Variants in GLUD1 observed in about 807,000 individuals in gnomAD.
GLUD1 encodes the protein glutamate dehydrogenase 1, mitochondrial.
A neutral mutation model predicts 56.0 loss-of-function variants in GLUD1; 22 were observed. That is an observed-to-expected ratio of 0.39 (90% CI 0.28 to 0.56). The LOEUF is 0.56. Among genes scored for constraint, GLUD1 ranks in the 20% least tolerant of loss-of-function variants. The probability of loss-of-function intolerance (pLI) is 0.58; values close to 1 mark genes in which losing one functional copy is unlikely to be tolerated. For synonymous variants in GLUD1, 223 were observed against 269.9 expected, an observed-to-expected ratio of 0.83 and a Z score of 1.70; for missense variants, 451 against 732.0, an observed-to-expected ratio of 0.62 and a Z score of 4.43.
intron 1 of GLUD1, among the ~76,000 whole-genome samples, chr10:87,086,105 A>G (rs1029896928): frequency 6.6e-6 from 1 of 152,236 alleles, no homozygotes; most frequent in Non-Finnish European, 1.5e-5. Context: ...GGGTCTTAAG[A>G]GAGGCAGAGG....
rs116046615 is a variant in GLUD1, at chr10:87,065,241, T to C, written c.742-2406A>G. 9.7e-3 allele frequency among the ~76,000 whole-genome samples: 1,203 copies of C among 124,220 alleles called. 10 individuals are homozygous for C. The highest frequency in any genetic ancestry group is 0.035 in the African/African-American group (1,139 of 32,574). 81.5% of individuals were successfully genotyped at this position (124,220 alleles called of 152,430 possible). ...CCGGGAGGCGGAGGTTGCGGTGACC[T>C]GAGATCGGGTGACAGAGTGAGACTC... On this transcript the variant is annotated intron_variant, in intron 5 of 12. Coordinates refer to ENST00000277865, the MANE Select transcript of GLUD1 (RefSeq NM_005271.5).
At chr10:87,072,983 G>C (rs1168793633) in intron 4 of GLUD1, among the ~76,000 whole-genome samples, 1 of 152,118 alleles carries the variant, frequency 6.6e-6, no homozygotes, top group Non-Finnish European at 1.5e-5. Context: ...AGTAGTGCTG[G>C]GTATGCGGCA....
In GLUD1 at chr10:87,058,873, G is replaced by A. The variant is rs181410042; in HGVS notation, c.1402+277C>T. Among the ~76,000 whole-genome samples, 369 of 152,064 alleles carry A rather than the reference G, an allele frequency of 2.4e-3. 1 individual carries two copies. The highest frequency in any genetic ancestry group is 3.6e-3 in the Non-Finnish European group (243 of 68,000). On this transcript the variant is annotated intron_variant, in intron 10 of 12. Coordinates refer to ENST00000277865, the MANE Select transcript of GLUD1 (RefSeq NM_005271.5). The stretch of plus-strand genomic sequence containing the variant: ...GCCACTGCACTCCAGCCTCGGCGAC[G>A]GAGCGAGACTCCCTCTCAAAAAAAG...
At chr10:87,072,919 T>C (rs1221363320) in intron 4 of GLUD1, among the ~76,000 whole-genome samples, 3 of 152,200 alleles carry the variant, frequency 2.0e-5, no homozygotes, top group Non-Finnish European at 2.9e-5. Context: ...AGCGAGATAG[T>C]TAACTCATAT....
chr10:87,071,128 CAAAACA>C (rs374633162), intron 4 of GLUD1, among the ~76,000 whole-genome samples: 3 of 151,174 alleles, frequency 2.0e-5, no homozygotes, highest in Non-Finnish European at 2.9e-5. Context: ...GACTCTGTCT[CAAAACA>C]AAAACAAAAA....
At chr10:87,057,303 A>G (rs1417922532) in intron 11 of GLUD1, among the ~76,000 whole-genome samples, 2 of 151,788 alleles carry the variant, frequency 1.3e-5, no homozygotes, top group African/African-American at 4.8e-5. Flanking sequence ...TTCTTTCTTT[A>G]TTTTTGTAGA....
chr10:87,061,219 TTC>T (rs1845921219), intron 6 of GLUD1, 167 bp from the exon 7 acceptor site: 1 of 761,216 alleles, frequency 1.3e-6, no homozygotes, highest in Non-Finnish European at 2.3e-6. Context: ...AACAATAAAA[TTC>T]TCTGTTTAAG....
chr10:87,094,228 G>A lies in GLUD1; in HGVS notation c.445+97C>T. ...GGACCCGGCCCGCTCCAGCTGGGCT[G>A]GGCTGGGCTGAGCAGCGGCCCCGCA... On this transcript the variant is annotated intron_variant, in intron 1 of 12. Coordinates refer to ENST00000277865, the MANE Select transcript of GLUD1 (RefSeq NM_005271.5). The surrounding 1 kb of genome is among the most constrained non-coding windows in gnomAD (Gnocchi z 6.6). 1 of 1,477,694 alleles carries A rather than the reference G, an allele frequency of 6.8e-7. No homozygotes were observed. Among genetic ancestry groups the A allele is most frequent in the Non-Finnish European group, 9.1e-7 (1 of 1,096,174 alleles). The allele number at this position is 1,477,694 out of a possible 1,614,324, so 91.5% of individuals were successfully genotyped here. A position where few individuals can be genotyped will look rare whatever the true frequency, so the allele number is the denominator to read the frequency against.
In GLUD1 at chr10:87,052,358, G is replaced by C. The variant is rs1845655620; in HGVS notation, c.1558-488C>G. ...AAAAAATTAACCGGGTGTGGGGGTG[G>C]GCGCCTGTAATCCCGGCTACTCGGG... On this transcript the variant is annotated intron_variant, in intron 12 of 12. Coordinates refer to ENST00000277865, the MANE Select transcript of GLUD1 (RefSeq NM_005271.5). 2.0e-5 allele frequency among the ~76,000 whole-genome samples: 3 copies of C among 152,068 alleles called. No homozygotes were observed. The South Asian group carries it at 6.2e-4, about 32-fold the overall frequency.
rs1183364848 is a variant in GLUD1 at position 87,060,763 on chromosome 10, G to A, written c.1122C>T (p.Ala374=). The change falls in exon 8 of 13, where the codon GCC becomes GCT. Residue 374 remains alanine, a synonymous_variant. Coordinates refer to ENST00000277865, the MANE Select transcript of GLUD1 (RefSeq NM_005271.5). ...CAGCTGGGATCAGTATGTCACAGTC[G>A]GCCTCCAAGATGCTTCCTTCATAGG... is the stretch of plus-strand genomic sequence containing the variant. The part of the protein sequence containing the change: ...AKPYEGSILE[A]DCDILIPAAS... 3.7e-6 allele frequency: 6 copies of A among 1,614,112 alleles called. No individual in the cohort carries two copies. Among genetic ancestry groups the A allele is most frequent in the Admixed American group, 1.7e-5 (1 of 60,008 alleles).
intron 9 of GLUD1, 54 bp downstream of exon 9, chr10:87,060,107 A>G: frequency 8.8e-7 from 1 of 1,130,522 alleles, no homozygotes; most frequent in Admixed American, 1.7e-5. Context: ...TTCCTTGCAA[A>G]AGACTATTAT....
At chr10:87,052,894 CCAAGCAGATAG>C (rs1457122000) in intron 12 of GLUD1, among the ~76,000 whole-genome samples, 1 of 152,066 alleles carries the variant, frequency 6.6e-6, no homozygotes, top group Non-Finnish European at 1.5e-5. Context: ...CATCATAAAT[CCAAGCAGATAG>C]AATCTGAACC....
At chr10:87,072,473 A>T (rs9420432) in intron 4 of GLUD1, among the ~76,000 whole-genome samples, 32,378 of 152,128 alleles carry the variant, frequency 0.21, 4,214 homozygotes, top group East Asian at 0.66. Context: ...AATAACAGAT[A>T]AATAACATCA....
At chr10:87,057,885 T>C (rs1845829219) in intron 10 of GLUD1, 103 bp from the exon 11 acceptor site, 2 of 702,742 alleles carry the variant, frequency 2.8e-6, no homozygotes, top group Non-Finnish European at 2.6e-6. Flanking sequence ...CAAAAACTTA[T>C]ACAGACAGAG....
At chr10:87,063,902 G>A (rs904952088) in intron 5 of GLUD1, among the ~76,000 whole-genome samples, 34 of 150,660 alleles carry the variant, frequency 2.3e-4, no homozygotes, top group African/African-American at 7.8e-4. Flanking sequence ...TTTTTGAGAC[G>A]GAGTCTCGCT....
At chr10:87,093,674 C>T (rs1279055655) in intron 1 of GLUD1, among the ~76,000 whole-genome samples, 1 of 152,172 alleles carries the variant, frequency 6.6e-6, no homozygotes, top group African/African-American at 2.4e-5. Flanking sequence ...GTTTATTTGT[C>T]AGAGATATTA....
intron 2 of GLUD1, among the ~76,000 whole-genome samples, 196 bp downstream of exon 2, chr10:87,076,380 A>T (rs1846394342): frequency 7.4e-6 from 1 of 135,602 alleles, no homozygotes; most frequent in Non-Finnish European, 1.5e-5. Flanking sequence ...CTCCTATTTT[A>T]AAAAATCCCC....
intron 5 of GLUD1, among the ~76,000 whole-genome samples, chr10:87,067,444 T>G (rs1045697146): frequency 6.6e-6 from 1 of 152,204 alleles, no homozygotes; most frequent in Non-Finnish European, 1.5e-5. Flanking sequence ...CAGGCTGGTC[T>G]CGAACTCCTG....
chr10:87,069,358 T>C (rs1846160610), intron 4 of GLUD1, among the ~76,000 whole-genome samples: 1 of 151,704 alleles, frequency 6.6e-6, no homozygotes, highest in Admixed American at 6.6e-5. Context: ...TTACTAAAAA[T>C]ACAAAAATTA....
Sources: gnomAD v4.1 joint callset for allele counts (sites outside exome capture counted in the v4.1 genomes callset) on GRCh38, gnomAD v4.1.1 for gene constraint, Gnocchi (gnomAD v3.1) non-coding constraint, MANE v1.5 for transcripts, NCBI Gene and HGNC (gene_info 2026-07-23, HGNC 2026-07-21) for gene names.